Variants in ASTN2 observed in about 807,000 individuals in gnomAD.
The protein encoded by ASTN2 is astrotactin-2.
In ASTN2, 54 loss-of-function variants were observed where a neutral mutation model predicts 139.8. That is an observed-to-expected ratio of 0.39 (90% CI 0.31 to 0.48). The LOEUF (loss-of-function observed/expected upper bound fraction) is 0.48. Ranked by LOEUF, ASTN2 falls within the 20% of genes least tolerant of loss-of-function variation. ASTN2 has a pLI of 0.95. For synonymous variants in ASTN2, 756 were observed against 719.5 expected (o/e 1.05, Z -0.81); for missense variants, 1,565 against 1,725.1 (o/e 0.91, Z 1.64).
At chr9:116,508,363 G>C (rs1433515311) in intron 19 of ASTN2, among the ~76,000 whole-genome samples, 3 of 152,268 alleles carry the variant, frequency 2.0e-5, no homozygotes, top group South Asian at 4.1e-4. Flanking sequence ...ACCTCACCCA[G>C]TTCCACAGCC....
intron 19 of ASTN2, among the ~76,000 whole-genome samples, chr9:116,596,510 T>A (rs1854586819): frequency 6.6e-6 from 1 of 152,150 alleles, no homozygotes; most frequent in Admixed American, 6.5e-5. Context: ...GATGGGTATG[T>A]TTGTATCTTG....
chr9:117,003,687 A>G (rs1388993152), intron 7 of ASTN2, among the ~76,000 whole-genome samples: 1 of 151,840 alleles, frequency 6.6e-6, no homozygotes, highest in Non-Finnish European at 1.5e-5. Flanking sequence ...AGAAACCACA[A>G]ACTTGCACCT....
intron 2 of ASTN2, among the ~76,000 whole-genome samples, chr9:117,241,622 C>T (rs926199414): frequency 6.6e-5 from 10 of 152,158 alleles, no homozygotes; most frequent in Non-Finnish European, 1.3e-4. Flanking sequence ...GAATCTAATG[C>T]TGTTGCTGAT....
At chr9:116,888,548 A>G (rs1022841852) in intron 10 of ASTN2, among the ~76,000 whole-genome samples, 3 of 151,940 alleles carry the variant, frequency 2.0e-5, no homozygotes, top group Non-Finnish European at 4.4e-5. Context: ...TTTGAGACAG[A>G]GTCTTGCTCT....
chr9:116,568,096 T>A (rs9969847), intron 19 of ASTN2, among the ~76,000 whole-genome samples: 24,134 of 152,232 alleles, frequency 0.16, 2,083 homozygotes, highest in African/African-American at 0.21. Flanking sequence ...AAGGCCTAAG[T>A]ATTCTTCTCT....
intron 10 of ASTN2, among the ~76,000 whole-genome samples, chr9:116,965,358 C>A (rs1223591498): frequency 2.0e-5 from 3 of 152,168 alleles, no homozygotes; most frequent in Non-Finnish European, 4.4e-5. Flanking sequence ...TACATGGTGA[C>A]CCTGTCCCCT....
chr9:116,768,688 C>T (rs2132180751), intron 13 of ASTN2, among the ~76,000 whole-genome samples: 1 of 152,178 alleles, frequency 6.6e-6, no homozygotes. Context: ...CCTGAGAGAC[C>T]CGCTTGCCTC....
Position 116,501,409 on chromosome 9 carries a change from A to C in ASTN2, c.3356-13909T>G, listed in dbSNP as rs541630324. 9.2e-5 allele frequency among the ~76,000 whole-genome samples: 14 copies of C among 152,278 alleles called. 1 individual carries two copies. The East Asian group carries it at 2.7e-3, about 29-fold the overall frequency. ...GTTCCAAGTCTTTGCTATGGTGAAT[A>C]GTGCCGCAATAAACATACGTGTGCA... On this transcript the variant is annotated intron_variant, in intron 19 of 22. Coordinates refer to ENST00000313400, the MANE Select transcript of ASTN2 (RefSeq NM_001365068.1).
At chr9:116,528,970 AG>A (rs769958639) in intron 19 of ASTN2, among the ~76,000 whole-genome samples, 6 of 152,204 alleles carry the variant, frequency 3.9e-5, no homozygotes, top group Non-Finnish European at 8.8e-5. Context: ...CTGCAGGGGA[AG>A]AGCCCTCATG....
intron 5 of ASTN2, among the ~76,000 whole-genome samples, chr9:117,076,554 A>G (rs1828285408): frequency 6.6e-6 from 1 of 152,218 alleles, no homozygotes; most frequent in South Asian, 2.1e-4. Context: ...TGATGTTTTC[A>G]GACGTGTGTG....
At chr9:117,320,869 G>A (rs925726418) in intron 1 of ASTN2, among the ~76,000 whole-genome samples, 1 of 152,190 alleles carries the variant, frequency 6.6e-6, no homozygotes, top group African/African-American at 2.4e-5. Context: ...ATCCCAGCCT[G>A]GGACAAATGT....
Position 117,193,639 on chromosome 9 carries a change from C to CAAAAAAA in ASTN2, c.1015+20712_1015+20718dup, listed in dbSNP as rs61700943. Among the ~76,000 whole-genome samples the CAAAAAAA allele has an allele frequency of 1.3e-4, 14 of 106,014 alleles. 1 individual carries two copies. The highest frequency in any genetic ancestry group is 1.4e-4 in the Non-Finnish European group (8 of 55,294). The allele number at this position is 106,014 out of a possible 152,430, so 69.5% of individuals were successfully genotyped here. ...TGGTGACACAGCCAGATTCAGTCAC[C>CAAAAAAA]AAAAAAAAAAAAAAAAAGAAAAAGA... On this transcript the variant is annotated intron_variant, in intron 3 of 22. Coordinates refer to ENST00000313400, the MANE Select transcript of ASTN2 (RefSeq NM_001365068.1).
chr9:117,327,928 C>T (rs1224428296), intron 1 of ASTN2, among the ~76,000 whole-genome samples: 4 of 152,066 alleles, frequency 2.6e-5, no homozygotes, highest in South Asian at 2.1e-4. Context: ...CAGAGTTTGG[C>T]GTCTAGTAAG....
At chr9:117,055,181 C>G (rs1367010931) in intron 5 of ASTN2, among the ~76,000 whole-genome samples, 1 of 152,218 alleles carries the variant, frequency 6.6e-6, no homozygotes, top group Non-Finnish European at 1.5e-5. Flanking sequence ...CAGCACTGTG[C>G]AAACCTGAAA....
At chr9:116,989,994 T>TG (rs1836804556) in intron 7 of ASTN2, among the ~76,000 whole-genome samples, 1 of 152,232 alleles carries the variant, frequency 6.6e-6, no homozygotes, top group Admixed American at 6.5e-5. Flanking sequence ...TGTGTGTCTA[T>TG]GTTCTTTACT....
At chr9:116,470,292 G>C (rs561039469) in intron 20 of ASTN2, among the ~76,000 whole-genome samples, 1 of 152,200 alleles carries the variant, frequency 6.6e-6, no homozygotes, top group Non-Finnish European at 1.5e-5. Flanking sequence ...AAGATTCGGC[G>C]TGTTCTGAGG....
At chr9:116,448,837 A>G (rs988638929) in intron 20 of ASTN2, among the ~76,000 whole-genome samples, 1 of 152,168 alleles carries the variant, frequency 6.6e-6, no homozygotes, top group Non-Finnish European at 1.5e-5. Flanking sequence ...GACAGTATGG[A>G]TGTAGAGAAA....
At chr9:116,895,207 A>G (rs1156492184) in intron 10 of ASTN2, among the ~76,000 whole-genome samples, 1 of 152,346 alleles carries the variant, frequency 6.6e-6, no homozygotes, top group African/African-American at 2.4e-5. Context: ...TATTTAATGC[A>G]CAGGATTGTT....
intron 13 of ASTN2, among the ~76,000 whole-genome samples, chr9:116,801,371 A>T (rs1238460401): frequency 6.6e-6 from 1 of 151,956 alleles, no homozygotes; most frequent in South Asian, 2.1e-4. Flanking sequence ...TCGCGAGGTC[A>T]GGAGTTTGAG....
Sources: allele counts gnomAD v4.1 joint callset (sites outside exome capture counted in the v4.1 genomes callset), GRCh38; gene constraint gnomAD v4.1.1; transcripts MANE v1.5; gene names NCBI Gene and HGNC (gene_info 2026-07-23, HGNC 2026-07-21).